Variants in NEXMIF observed in about 807,000 individuals in gnomAD.
The protein encoded by NEXMIF is neurite extension and migration factor.
A neutral mutation model predicts 62.1 loss-of-function variants in NEXMIF; 8 were observed. The ratio of observed to expected loss-of-function variants is 0.13; its 90% CI spans 0.08 to 0.23. The LOEUF (loss-of-function observed/expected upper bound fraction) is 0.23. Among genes scored for constraint, NEXMIF ranks in the 10% least tolerant of loss-of-function variants. The pLI is 1.00. For synonymous variants in NEXMIF, 404 were observed against 416.6 expected (o/e 0.97, Z 0.37); for missense variants, 976 against 1,113.3 (o/e 0.88, Z 1.75).
rs766201261 is a variant in NEXMIF, at chrX:74,876,643, A to G, written c.-48+48240T>C. On this transcript the variant is annotated intron_variant, in intron 1 of 3. Transcript: ENST00000055682. ...GGGAGTCTAAGTCTCTTTGTAGGTC[A>G]CTCAGGACTTGCTTTATGAATCTGG... 3.2e-3 allele frequency among the ~76,000 whole-genome samples: 316 copies of G among 100,187 alleles called. 2 individuals carry two copies. The highest frequency in any genetic ancestry group is 0.011 in the African/African-American group (299 of 27,261). 87.0% of individuals were successfully genotyped at this position (100,187 alleles called of 115,157 possible). A position where few individuals can be genotyped will look rare whatever the true frequency, so the allele number is the denominator to read the frequency against.
intron 1 of NEXMIF, among the ~76,000 whole-genome samples, chrX:74,809,225 A>T (rs1443009187): frequency 9.0e-6 from 1 of 110,975 alleles, no homozygotes. Flanking sequence ...AACACTGCTT[A>T]AAAAAAAATA....
Position 74,882,669 on chromosome X carries a change from C to T in NEXMIF, c.-48+42214G>A, listed in dbSNP as rs2080670657. On this transcript the variant is annotated intron_variant, in intron 1 of 3. Coordinates refer to ENST00000055682, the MANE Select transcript of NEXMIF (RefSeq NM_001008537.3). ...CCAGGAAGCTCGAACTGGGTGGAGC[C>T]CATCACAGCTCAAAGAGGCCTGCCT... 3.6e-5 allele frequency among the ~76,000 whole-genome samples: 4 copies of T among 112,084 alleles called. No homozygotes were observed. The South Asian group carries it at 1.1e-3, about 32-fold the overall frequency.
At chrX:74,909,005 A>AAC (rs1232916512) in intron 1 of NEXMIF, among the ~76,000 whole-genome samples, 1 of 111,651 alleles carries the variant, frequency 9.0e-6, no homozygotes, top group African/African-American at 3.3e-5. Context: ...AGCCATGTGG[A>AAC]ACTGTAAGTC....
chrX:74,887,702 C>T (rs1260919671), intron 1 of NEXMIF, among the ~76,000 whole-genome samples: 1 of 111,439 alleles, frequency 9.0e-6, no homozygotes. Context: ...GTTGGTGGGA[C>T]TGTAAACTAG....
At chrX:74,813,696 T>C (rs1375736966) in intron 1 of NEXMIF, among the ~76,000 whole-genome samples, 1 of 112,137 alleles carries the variant, frequency 8.9e-6, no homozygotes, top group Admixed American at 9.5e-5. Context: ...GTGAATTCCA[T>C]GAAAGCAGAA....
chrX:74,910,333 T>C (rs1196081243), intron 1 of NEXMIF, among the ~76,000 whole-genome samples: 1 of 112,452 alleles, frequency 8.9e-6, no homozygotes, highest in Non-Finnish European at 1.9e-5. Flanking sequence ...GGAGATCATT[T>C]TGCAGCTTTA....
intron 1 of NEXMIF, among the ~76,000 whole-genome samples, chrX:74,791,602 G>C (rs1358854170): frequency 9.0e-6 from 1 of 111,153 alleles, no homozygotes; most frequent in Non-Finnish European, 1.9e-5. Flanking sequence ...GAATCCATCT[G>C]GTCCTGGACT....
chrX:74,770,502 A>G (rs1402224673), intron 1 of NEXMIF, among the ~76,000 whole-genome samples: 1 of 112,205 alleles, frequency 8.9e-6, no homozygotes, highest in Non-Finnish European at 1.9e-5. Flanking sequence ...GCCTACTTAT[A>G]TTTTTGAAAT....
At chrX:74,812,833 A>G (rs1342488476) in intron 1 of NEXMIF, among the ~76,000 whole-genome samples, 1 of 112,054 alleles carries the variant, frequency 8.9e-6, no homozygotes. Context: ...GTCCAAGGTC[A>G]TAAGAGAGGC....
chrX:74,750,087 A>G (rs2080137316), intron 1 of NEXMIF, among the ~76,000 whole-genome samples: 2 of 111,534 alleles, frequency 1.8e-5, no homozygotes, highest in Non-Finnish European at 3.8e-5. Context: ...AGTGGGAGAG[A>G]CAGAGGGGGG....
chrX:74,762,239 A>G (rs1419476549), intron 1 of NEXMIF, among the ~76,000 whole-genome samples: 3 of 107,691 alleles, frequency 2.8e-5, no homozygotes, highest in Admixed American at 1.0e-4. Context: ...TCCTTGTGAT[A>G]GTTTGCTCAG....
chrX:74,896,502 T>C (rs1374248008), intron 1 of NEXMIF, among the ~76,000 whole-genome samples: 1 of 112,525 alleles, frequency 8.9e-6, no homozygotes, highest in Non-Finnish European at 1.9e-5. Context: ...CTACAATTTC[T>C]GGTTTGCACG....
At chrX:74,821,800 G>C (rs1411161482) in intron 1 of NEXMIF, among the ~76,000 whole-genome samples, 1 of 111,367 alleles carries the variant, frequency 9.0e-6, no homozygotes, top group East Asian at 2.8e-4. Context: ...CTCAATCCTG[G>C]CTCACTGCAG....
At chrX:74,923,464 C>T (rs963674602) in intron 1 of NEXMIF, among the ~76,000 whole-genome samples, 3 of 112,189 alleles carry the variant, frequency 2.7e-5, no homozygotes, top group African/African-American at 6.5e-5. Context: ...TGTAAAATGA[C>T]AGTTACTTAG....
chrX:74,748,642 C>T (rs939070429), intron 1 of NEXMIF, among the ~76,000 whole-genome samples: 1 of 112,010 alleles, frequency 8.9e-6, no homozygotes, highest in African/African-American at 3.2e-5. Flanking sequence ...ATAACATTAG[C>T]ATGGAGATGG....
chrX:74,855,230 G>A (rs1256779946), intron 1 of NEXMIF, among the ~76,000 whole-genome samples: 1 of 111,807 alleles, frequency 8.9e-6, no homozygotes, highest in Non-Finnish European at 1.9e-5. Flanking sequence ...ACAGATAAAT[G>A]AAATAGAACA....
intron 1 of NEXMIF, among the ~76,000 whole-genome samples, chrX:74,917,433 C>A (rs944340034): frequency 2.7e-5 from 3 of 112,254 alleles, no homozygotes; most frequent in Non-Finnish European, 5.6e-5. Context: ...TCAGTTATTT[C>A]TTTATAGCAG....
chrX:74,789,956 C>T (rs377488361), intron 1 of NEXMIF, among the ~76,000 whole-genome samples: 2 of 103,639 alleles, frequency 1.9e-5, no homozygotes, highest in Admixed American at 2.1e-4. Context: ...GTTTCTTTTG[C>T]TGTGCAGAAG....
intron 1 of NEXMIF, among the ~76,000 whole-genome samples, chrX:74,872,645 T>A (rs1036039595): frequency 2.7e-5 from 3 of 109,846 alleles, no homozygotes; most frequent in African/African-American, 9.9e-5. Flanking sequence ...TAAATGTACA[T>A]AATTATACAT....
Sources: gnomAD v4.1 joint callset for allele counts (sites outside exome capture counted in the v4.1 genomes callset) on GRCh38, gnomAD v4.1.1 for gene constraint, MANE v1.5 for transcripts, NCBI Gene and HGNC (gene_info 2026-07-23, HGNC 2026-07-21) for gene names.